The following SPTB variants were observed in gnomAD, a reference collection of about 807,000 sequenced individuals.
The protein encoded by SPTB is spectrin beta chain, erythrocytic.
SPTB carries 45 observed loss-of-function variants against 256.2 expected under a neutral mutation model. The ratio of observed to expected loss-of-function variants is 0.18; its 90% CI spans 0.14 to 0.23. SPTB has a LOEUF of 0.23. SPTB is among the 10% of genes least tolerant of loss of function. The pLI is 1.00. For missense variants in SPTB, 2,715 were observed against 3,040.4 expected (o/e 0.89, Z 2.52); for synonymous variants, 1,231 against 1,243.1 (o/e 0.99, Z 0.21).
In SPTB at chr14:64,790,286, G is replaced by A. The variant is rs1052567577; in HGVS notation, c.2804+1433C>T. Among the ~76,000 whole-genome samples, 3 of 151,904 alleles carry A rather than the reference G, an allele frequency of 2.0e-5. No homozygotes were observed. The highest frequency in any genetic ancestry group is 1.9e-4 in the East Asian group (1 of 5,182). On this transcript the variant is annotated intron_variant, in intron 15 of 35. Coordinates refer to ENST00000644917, the MANE Select transcript of SPTB (RefSeq NM_001355436.2). This position sits in a 1 kb window ranked among gnomAD's most constrained non-coding sequence, Gnocchi z 4.8. Reference sequence around the variant, plus strand: ...TCTTGGGGATGGGGCCTGTTTTAGGGGTCTGTAAAGATCAACATTCTCAGA... The same window carrying A: ...TCTTGGGGATGGGGCCTGTTTTAGGAGTCTGTAAAGATCAACATTCTCAGA...
At chr14:64,798,479 A>G (rs1048208902) in intron 9 of SPTB, among the ~76,000 whole-genome samples, 2 of 152,184 alleles carry the variant, frequency 1.3e-5, no homozygotes, top group Non-Finnish European at 2.9e-5. Context: ...GGCTCCAGGT[A>G]TCAGGTACTT....
In SPTB at chr14:64,767,648, C is replaced by T. The variant is rs764401458; in HGVS notation, c.6219+15G>A. The T allele has an allele frequency of 2.5e-6, 4 of 1,613,618 alleles. No individual in the cohort carries two copies. The highest frequency in any genetic ancestry group is 3.4e-6 in the Non-Finnish European group (4 of 1,180,036). On this transcript the variant is annotated intron_variant, in intron 30 of 35. Transcript: ENST00000644917. ...TGCCACCCTCCTGAGCCTCCCAGCA[C>T]TGTTCCCTGCTCACCGTGGTGGGCT...
chr14:64,801,455 G>A (rs2082884510), intron 6 of SPTB, 55 bp from the exon 7 acceptor site: 1 of 1,310,536 alleles, frequency 7.6e-7, no homozygotes, highest in South Asian at 1.2e-5. Context: ...CCCACCAGGA[G>A]GGCAGCCCTA....
In SPTB at chr14:64,772,564, AG is replaced by A; in HGVS notation, c.5553+15del. On this transcript the variant is annotated intron_variant, in intron 26 of 35. Transcript: ENST00000644917. The surrounding 1 kb of genome is among the most constrained non-coding windows in gnomAD (Gnocchi z 5.4). ...TGGAAATTGGTAGCAGGTGGGCGGCAGGGGGCTGAAGGTACCTGGACACCCA... is the reference window on the plus strand; with the variant it reads ...TGGAAATTGGTAGCAGGTGGGCGGCAGGGGCTGAAGGTACCTGGACACCCA... 2 of 1,602,674 alleles carry A rather than the reference AG, an allele frequency of 1.2e-6. No homozygotes were observed.
chr14:64,779,012 T>C lies in SPTB; in HGVS notation c.4563+145A>G, dbSNP rs996797064. Reference sequence around the variant, plus strand: ...GCTCTTTCTGCTATAAGATTACCAATACGGTTTGGAGACCCCAAAGCTACC... The same window carrying C: ...GCTCTTTCTGCTATAAGATTACCAACACGGTTTGGAGACCCCAAAGCTACC... On this transcript the variant is annotated intron_variant, in intron 22 of 35. Transcript: ENST00000644917. This position sits in a 1 kb window ranked among gnomAD's most constrained non-coding sequence, Gnocchi z 4.2. 2.4e-5 allele frequency: 16 copies of C among 669,550 alleles called. No homozygotes were observed. The African/African-American group carries it at 2.7e-4, about 11-fold the overall frequency. The allele number at this position is 669,550 out of a possible 1,614,324, so 41.5% of individuals were successfully genotyped here. A position where few individuals can be genotyped will look rare whatever the true frequency, so the allele number is the denominator to read the frequency against.
chr14:64,849,299 C>T (rs230723), intron 1 of SPTB, among the ~76,000 whole-genome samples: 20,902 of 152,192 alleles, frequency 0.14, 2,457 homozygotes, highest in African/African-American at 0.31. Flanking sequence ...GGAAATGGCA[C>T]AAGCCAAAGT....
At chr14:64,829,794 T>C (rs1312346275) in intron 1 of SPTB, among the ~76,000 whole-genome samples, 1 of 152,196 alleles carries the variant, frequency 6.6e-6, no homozygotes, top group Non-Finnish European at 1.5e-5. Context: ...AACTGGAACC[T>C]AGAATAAAAG....
chr14:64,812,593 C>T (rs1021195219), intron 2 of SPTB, among the ~76,000 whole-genome samples: 29 of 152,002 alleles, frequency 1.9e-4, no homozygotes, highest in African/African-American at 5.3e-4. Context: ...TCTTGTGTTA[C>T]TCCTTCTCCA....
chr14:64,868,889 C>T, intron 1 of SPTB, among the ~76,000 whole-genome samples: 1 of 152,080 alleles, frequency 6.6e-6, no homozygotes, highest in Non-Finnish European at 1.5e-5. Flanking sequence ...AAGTAGGATT[C>T]AGAACATTAA....
chr14:64,812,701 G>T (rs566562348), intron 2 of SPTB, among the ~76,000 whole-genome samples: 1 of 152,064 alleles, frequency 6.6e-6, no homozygotes, highest in South Asian at 2.1e-4. Flanking sequence ...CTGACGTCAC[G>T]GGCATCTGGG....
At chr14:64,833,477 G>T (rs1401200231) in intron 1 of SPTB, among the ~76,000 whole-genome samples, 2 of 151,944 alleles carry the variant, frequency 1.3e-5, no homozygotes, top group East Asian at 3.9e-4. Context: ...ACTTGAACCT[G>T]GGAGGCAGAG....
rs141216579 is a variant in SPTB at position 64,801,660 on chromosome 14, C to T, written c.647+94G>A. The T allele has an allele frequency of 9.2e-6, 12 of 1,303,742 alleles. No individual in the cohort carries two copies. In the East Asian group the frequency reaches 2.5e-4, roughly 28 times the overall value. The allele number at this position is 1,303,742 out of a possible 1,614,324, so 80.8% of individuals were successfully genotyped here. ...GGAGAGGAGAAGGAACAGCAGAGGT[C>T]ACATTTCTGTGACTCCATGTTAAGT... On this transcript the variant is annotated intron_variant, in intron 6 of 35. Transcript: ENST00000644917.
intron 15 of SPTB, among the ~76,000 whole-genome samples, chr14:64,788,607 G>A (rs1365829308): frequency 1.4e-4 from 22 of 152,220 alleles, no homozygotes; most frequent in Admixed American, 1.4e-3. Flanking sequence ...AATCGACAGG[G>A]AAGTGTTCCT....
chr14:64,812,984 G>A (rs2083120081), intron 2 of SPTB, among the ~76,000 whole-genome samples: 1 of 152,094 alleles, frequency 6.6e-6, no homozygotes, highest in Non-Finnish European at 1.5e-5. Context: ...ATATTAATGA[G>A]GATACTATTA....
At chr14:64,877,491 G>A (rs976623141) in intron 1 of SPTB, among the ~76,000 whole-genome samples, 1 of 152,216 alleles carries the variant, frequency 6.6e-6, no homozygotes, top group Non-Finnish European at 1.5e-5. Context: ...TATGAGGCAA[G>A]TTATTTAATC....
Position 64,773,412 on chromosome 14 carries a change from G to C in SPTB, c.4986C>G (p.Ile1662Met). ...GCTTGTCCACTTGCCCCTGAAGTCT[G>C]ATGATCTGTTCCCTGGAATTCAAAA... ...SAGHPEGEQI[I>M]RLQGQVDKHY... Residue 1662 changes from isoleucine (I) to methionine (M), a missense_variant, in exon 25 of 36, where the codon ATC becomes ATG. By Grantham distance (10) the Ile-to-Met change is conservative (BLOSUM62 1). Coordinates refer to ENST00000644917, the MANE Select transcript of SPTB (RefSeq NM_001355436.2). 1 of 1,614,066 alleles carries C rather than the reference G, an allele frequency of 6.2e-7. No homozygotes were observed. Among genetic ancestry groups the C allele is most frequent in the Non-Finnish European group, 8.5e-7 (1 of 1,180,038 alleles).
chr14:64,850,222 A>C (rs993960086), intron 1 of SPTB, among the ~76,000 whole-genome samples: 33 of 152,296 alleles, frequency 2.2e-4, no homozygotes, highest in African/African-American at 7.2e-4. Context: ...CGGATGCCTT[A>C]CTCAGTGCAT....
At chr14:64,848,336 C>T (rs1410796219) in intron 1 of SPTB, among the ~76,000 whole-genome samples, 2 of 152,166 alleles carry the variant, frequency 1.3e-5, no homozygotes, top group African/African-American at 4.8e-5. Flanking sequence ...CGTTAACACC[C>T]ACTCCAAATT....
chr14:64,770,785 G>T, intron 27 of SPTB, 100 bp downstream of exon 27: 2 of 1,556,918 alleles, frequency 1.3e-6, no homozygotes, highest in Non-Finnish European at 1.8e-6. Flanking sequence ...GATAGTCCAG[G>T]ACTGTCCCTT....
Sources: allele counts gnomAD v4.1 joint callset (sites outside exome capture counted in the v4.1 genomes callset), GRCh38; gene constraint gnomAD v4.1.1; non-coding constraint Gnocchi (gnomAD v3.1); transcripts MANE v1.5; gene names NCBI Gene and HGNC (gene_info 2026-07-23, HGNC 2026-07-21).